SLCO1A2: variants seen among roughly 807,000 people sequenced by gnomAD.
SLCO1A2 encodes OATP-1.
In SLCO1A2, 67 loss-of-function variants were observed where a neutral mutation model predicts 69.0. The observed-to-expected ratio is 0.97, with a 90% CI of 0.80 to 1.19. SLCO1A2 has a LOEUF of 1.19. Among genes scored for constraint, SLCO1A2 ranks in the 50% most tolerant of loss-of-function variants. SLCO1A2 has a pLI of 0.00. For synonymous variants in SLCO1A2, 260 were observed against 265.9 expected, an observed-to-expected ratio of 0.98 and a Z score of 0.22; for missense variants, 787 against 793.7, an observed-to-expected ratio of 0.99 and a Z score of 0.10.
chr12:21,297,662 G>T, intron 8 of SLCO1A2, 94 bp from the exon 9 acceptor site: 8 of 784,344 alleles, frequency 1.0e-5, no homozygotes, highest in East Asian at 5.7e-5. Flanking sequence ...AACAAATTAT[G>T]TTTTTTACTA....
chr12:21,326,744 C>A (rs1952269156), intron 2 of SLCO1A2, among the ~76,000 whole-genome samples: 1 of 152,122 alleles, frequency 6.6e-6, no homozygotes, highest in African/African-American at 2.4e-5. Context: ...CAAACTAAAG[C>A]TTTCAAGAAG....
intron 12 of SLCO1A2, among the ~76,000 whole-genome samples, chr12:21,280,319 A>G (rs1469875004): frequency 6.6e-6 from 1 of 152,080 alleles, no homozygotes; most frequent in Non-Finnish European, 1.5e-5. Flanking sequence ...AATACCCAAT[A>G]ATCTGTTGTC....
At chr12:21,283,817 G>A (rs1165263549) in intron 12 of SLCO1A2, among the ~76,000 whole-genome samples, 1 of 152,118 alleles carries the variant, frequency 6.6e-6, no homozygotes, top group African/African-American at 2.4e-5. Context: ...AAGGTGCTCA[G>A]CATCAATGAT....
Position 21,293,943 on chromosome 12 carries a change from A to G in SLCO1A2, c.1437+2T>C, listed in dbSNP as rs929751389. On this transcript the variant is annotated splice_donor_variant, in intron 11 of 14. Transcript: ENST00000683939. LOFTEE classifies it high-confidence loss of function. ...AAAGTTCTGTCAAATAGGATGTCTT[A>G]CCATGTTTATTCCCGTTCCAATGGA... is the stretch of plus-strand genomic sequence containing the variant. 1 of 1,604,390 alleles carries G rather than the reference A, an allele frequency of 6.2e-7. No homozygotes were observed. Among genetic ancestry groups the G allele is most frequent in the Non-Finnish European group, 8.5e-7 (1 of 1,176,250 alleles).
At chr12:21,352,823 C>T (rs1993906) in intron 2 of SLCO1A2, among the ~76,000 whole-genome samples, 150,820 of 152,328 alleles carry the variant, frequency 0.99, 74,682 homozygotes, top group Middle Eastern at 1. Context: ...CTTGTAGGAA[C>T]TGGGGGAAGT....
At chr12:21,289,380 A>C (rs956181948) in intron 12 of SLCO1A2, among the ~76,000 whole-genome samples, 6 of 152,144 alleles carry the variant, frequency 3.9e-5, no homozygotes, top group African/African-American at 1.4e-4. Context: ...TATAGTAATG[A>C]GACGACAGGG....
chr12:21,300,237 T>C (rs1358661440), intron 8 of SLCO1A2, 111 bp downstream of exon 8: 4 of 678,810 alleles, frequency 5.9e-6, no homozygotes, highest in Non-Finnish European at 9.4e-6. Flanking sequence ...TGACTGTTGA[T>C]GACAAATTGT....
At chr12:21,334,919 G>A (rs1462857698), upstream of SLCO1A2, 1 of 342,008 alleles carries the variant, frequency 2.9e-6, no homozygotes, top group East Asian at 5.6e-5. Context: ...AATAACTTTA[G>A]TGACTCTTTA....
At chr12:21,347,665 A>AAGAAAGGAAGGAAGG (rs1565510400) in intron 2 of SLCO1A2, among the ~76,000 whole-genome samples, 21 of 6,388 alleles carry the variant, frequency 3.3e-3, no homozygotes, top group African/African-American at 4.1e-3. Flanking sequence ...AAGAAGAAAG[A>AAGAAAGGAAGGAAGG]AAGAAAGGAA....
rs1292409686 is a variant in SLCO1A2, at chr12:21,266,448, A to G, written c.*3100T>C. The G allele has an allele frequency of 6.6e-6, 1 of 152,130 alleles. No individual in the cohort carries two copies. The highest frequency in any genetic ancestry group is 1.5e-5 in the Non-Finnish European group (1 of 68,018). The allele number at this position is 152,130 out of a possible 1,614,324, so 9.4% of individuals were successfully genotyped here. On this transcript the variant is annotated 3_prime_UTR_variant, in exon 15 of 15. Transcript: ENST00000683939. ...TACCACTTCGTGTGCTATTACTCAA[A>G]TTTCTTAAAATCATCTGAGGAAAAG...
intron 2 of SLCO1A2, among the ~76,000 whole-genome samples, chr12:21,328,718 T>C (rs571540557): frequency 2.0e-5 from 3 of 151,788 alleles, no homozygotes; most frequent in Admixed American, 1.3e-4. Flanking sequence ...ACAGTCCAAC[T>C]GCACTTAGGG....
chr12:21,318,354 C>T (rs553490583), intron 3 of SLCO1A2, among the ~76,000 whole-genome samples: 107 of 152,176 alleles, frequency 7.0e-4, no homozygotes, highest in Middle Eastern at 3.4e-3. Context: ...CTCCTGACCT[C>T]GTGATCCACC....
intron 12 of SLCO1A2, among the ~76,000 whole-genome samples, chr12:21,286,881 A>G (rs1226082395): frequency 6.6e-6 from 1 of 151,666 alleles, no homozygotes; most frequent in Admixed American, 6.6e-5. Context: ...AAAGATTTAA[A>G]CATTAGACTT....
chr12:21,288,036 A>G (rs968589289), intron 12 of SLCO1A2, among the ~76,000 whole-genome samples: 7 of 150,492 alleles, frequency 4.7e-5, no homozygotes, highest in Non-Finnish European at 7.4e-5. Flanking sequence ...AAAAAGAATG[A>G]GACCCTTTCA....
Position 21,265,310 on chromosome 12 carries a change from A to C in SLCO1A2, c.*4238T>G, listed in dbSNP as rs1941956743. On this transcript the variant is annotated 3_prime_UTR_variant, in exon 15 of 15. Transcript: ENST00000683939. ...ATGAGACTCTGGGAGAACAGCATGC[A>C]TTCTGGGCAGGGTGGGACACAGTGA... 6.6e-6 allele frequency: 1 copy of C among 152,376 alleles called. No homozygotes were observed. Among genetic ancestry groups the C allele is most frequent in the South Asian group, 2.1e-4 (1 of 4,826 alleles). The allele number at this position is 152,376 out of a possible 1,614,324, so 9.4% of individuals were successfully genotyped here. A position where few individuals can be genotyped will look rare whatever the true frequency, so the allele number is the denominator to read the frequency against.
chr12:21,299,849 T>A (rs1216716269), intron 8 of SLCO1A2, among the ~76,000 whole-genome samples: 1 of 140,542 alleles, frequency 7.1e-6, no homozygotes, highest in African/African-American at 2.7e-5. Flanking sequence ...TGTATATATA[T>A]ACGTGTATAT....
At chr12:21,350,020 G>A (rs1189949152) in intron 2 of SLCO1A2, among the ~76,000 whole-genome samples, 1 of 152,106 alleles carries the variant, frequency 6.6e-6, no homozygotes, top group Non-Finnish European at 1.5e-5. Context: ...ATTAGTATTT[G>A]CTGAATTAAA....
At chr12:21,417,901 T>A (rs1250600269) in exon 1 of SLCO1A2, 2 of 152,208 alleles carry the variant, frequency 1.3e-5, no homozygotes, top group African/African-American at 4.8e-5. Flanking sequence ...CAGTATTAGT[T>A]CAGAGGGGAG....
chr12:21,293,061 T>C (rs1055505588), intron 11 of SLCO1A2, among the ~76,000 whole-genome samples: 1 of 152,052 alleles, frequency 6.6e-6, no homozygotes, highest in Non-Finnish European at 1.5e-5. Context: ...TCCCAGCACT[T>C]TGGGGGGCCA....
Sources: allele counts gnomAD v4.1 joint callset (sites outside exome capture counted in the v4.1 genomes callset), GRCh38; gene constraint gnomAD v4.1.1; transcripts MANE v1.5; gene names NCBI Gene and HGNC (gene_info 2026-07-23, HGNC 2026-07-21).